The following CCDC126 variants were observed in gnomAD, a reference collection of about 807,000 sequenced individuals.
CCDC126 encodes the protein coiled-coil domain containing 126.
A neutral mutation model predicts 11.7 loss-of-function variants in CCDC126; 5 were observed. That is an observed-to-expected ratio of 0.43 (90% CI 0.22 to 0.90). CCDC126 has a LOEUF of 0.90. Among genes scored for constraint, CCDC126 ranks in the 40% least tolerant of loss-of-function variants. The pLI is 0.27. For synonymous variants in CCDC126, 60 were observed against 61.9 expected, an observed-to-expected ratio of 0.97 and a Z score of 0.14; for missense variants, 150 against 163.1, an observed-to-expected ratio of 0.92 and a Z score of 0.44.
intron 2 of CCDC126, among the ~76,000 whole-genome samples, chr7:23,599,013 C>T (rs1044400133): frequency 2.6e-5 from 4 of 151,986 alleles, no homozygotes; most frequent in Non-Finnish European, 4.4e-5. Context: ...CATTTGTGTT[C>T]TTAGTGTTTC....
At chr7:23,637,843 G>A (rs866019181) in intron 3 of CCDC126, among the ~76,000 whole-genome samples, 2 of 119,168 alleles carry the variant, frequency 1.7e-5, no homozygotes, top group South Asian at 3.2e-4. Context: ...GGAGGTGGGG[G>A]GGTCAGCCCC....
chr7:23,602,652 G>T (rs1326753074), intron 2 of CCDC126, among the ~76,000 whole-genome samples: 2 of 152,114 alleles, frequency 1.3e-5, no homozygotes, highest in Non-Finnish European at 2.9e-5. Flanking sequence ...CGAGATTCTG[G>T]TAAAAGAAGA....
chr7:23,642,258 C>A (rs898874710), intron 3 of CCDC126, among the ~76,000 whole-genome samples: 5 of 152,094 alleles, frequency 3.3e-5, no homozygotes, highest in Non-Finnish European at 5.9e-5. Context: ...GTGATCCCGC[C>A]CGCCTCAGCC....
At chr7:23,628,037 A>C (rs1470146637) in intron 3 of CCDC126, among the ~76,000 whole-genome samples, 3 of 152,172 alleles carry the variant, frequency 2.0e-5, no homozygotes, top group African/African-American at 7.2e-5. Context: ...AAAATATATA[A>C]ATTATTGTAT....
At chr7:23,621,909 G>T (rs530648696) in intron 3 of CCDC126, among the ~76,000 whole-genome samples, 14 of 152,134 alleles carry the variant, frequency 9.2e-5, no homozygotes, top group Non-Finnish European at 1.5e-4. Flanking sequence ...GTTGAACCAG[G>T]CTTGCATCCC....
At chr7:23,603,335 T>A (rs1467157894) in intron 2 of CCDC126, among the ~76,000 whole-genome samples, 2 of 152,260 alleles carry the variant, frequency 1.3e-5, no homozygotes, top group East Asian at 3.8e-4. Context: ...ATTTAGTGAA[T>A]AGTTCAAATT....
Position 23,643,050 on chromosome 7 carries a change from A to C in CCDC126, c.358A>C (p.Thr120Pro), listed in dbSNP as rs1310571551. 1 of 1,614,080 alleles carries C rather than the reference A, an allele frequency of 6.2e-7. No homozygotes were observed. The highest frequency in any genetic ancestry group is 8.5e-7 in the Non-Finnish European group (1 of 1,180,026). ...CTCAGCAGCCAACACCACCAATGGT[A>C]CTAGTGGGAATTTGGTGCCAGTAAC... The part of the protein sequence containing the change: ...NGSAANTTNG[T>P]SGNLVPVTTN... The change falls in exon 4 of 4, where the codon ACT becomes CCT. Residue 120 changes from threonine to proline, a missense_variant. Transcript: ENST00000307471.
chr7:23,623,114 C>T (rs1308728512), intron 3 of CCDC126, among the ~76,000 whole-genome samples: 1 of 150,802 alleles, frequency 6.6e-6, no homozygotes, highest in Non-Finnish European at 1.5e-5. Context: ...GCTGGGATTG[C>T]AGGCTCGCGC....
At chr7:23,622,965 ACT>A in intron 3 of CCDC126, 1 of 127,712 alleles carries the variant, frequency 7.8e-6, no homozygotes, top group Non-Finnish European at 1.5e-5. Flanking sequence ...AAATATGCTC[ACT>A]CTTTTTTTTT....
At chr7:23,642,046 C>T (rs1403915436) in intron 3 of CCDC126, among the ~76,000 whole-genome samples, 2 of 152,286 alleles carry the variant, frequency 1.3e-5, no homozygotes, top group African/African-American at 4.8e-5. Flanking sequence ...GAGTCTTGCT[C>T]TGTCGCCCAG....
chr7:23,637,149 A>T (rs1584218423), intron 3 of CCDC126, among the ~76,000 whole-genome samples: 1 of 48,058 alleles, frequency 2.1e-5, no homozygotes, highest in Admixed American at 1.9e-4. Context: ...GGCCGCCCCT[A>T]CTGGGAAGTG....
At chr7:23,620,591 C>T (rs1281545251) in intron 3 of CCDC126, among the ~76,000 whole-genome samples, 2 of 151,334 alleles carry the variant, frequency 1.3e-5, no homozygotes, top group Non-Finnish European at 3.0e-5. Flanking sequence ...AATTAGATCC[C>T]ATTTGTCAAT....
At chr7:23,609,048 A>G (rs1782663666) in intron 2 of CCDC126, among the ~76,000 whole-genome samples, 1 of 152,070 alleles carries the variant, frequency 6.6e-6, no homozygotes, top group Admixed American at 6.5e-5. Flanking sequence ...GTGTCAGCTG[A>G]TCCATCTAGT....
chr7:23,636,388 C>CTT, intron 3 of CCDC126, among the ~76,000 whole-genome samples: 1 of 150,504 alleles, frequency 6.6e-6, no homozygotes, highest in East Asian at 2.0e-4. Flanking sequence ...GCGTCTCTGC[C>CTT]CGGCCGCCAT....
At chr7:23,598,493 T>G (rs1377450412) in intron 2 of CCDC126, 1 of 152,256 alleles carries the variant, frequency 6.6e-6, no homozygotes, top group African/African-American at 2.4e-5. Context: ...TTGATGACTC[T>G]GCTTTTCTGT....
chr7:23,614,047 T>C (rs1782757982), intron 3 of CCDC126, among the ~76,000 whole-genome samples: 1 of 152,114 alleles, frequency 6.6e-6, no homozygotes, highest in South Asian at 2.1e-4. Flanking sequence ...TTACTGAAGG[T>C]TGGGGTGGCT....
chr7:23,612,072 G>C (rs541474509), intron 3 of CCDC126, among the ~76,000 whole-genome samples: 1 of 151,700 alleles, frequency 6.6e-6, no homozygotes, highest in East Asian at 1.9e-4. Context: ...TTTGAACCTG[G>C]GAGGCGGAGG....
At chr7:23,640,264 G>A (rs1010206665) in intron 3 of CCDC126, among the ~76,000 whole-genome samples, 7 of 152,022 alleles carry the variant, frequency 4.6e-5, no homozygotes, top group East Asian at 3.9e-4. Context: ...TTGGGAGGCC[G>A]AGGCAGGCAG....
At chr7:23,636,708 C>T (rs891273317) in intron 3 of CCDC126, among the ~76,000 whole-genome samples, 2 of 148,884 alleles carry the variant, frequency 1.3e-5, no homozygotes, top group Non-Finnish European at 1.5e-5. Context: ...CGCCTGGCAG[C>T]CACCCCGTCT....
Sources: gnomAD v4.1 joint callset for allele counts (sites outside exome capture counted in the v4.1 genomes callset) on GRCh38, gnomAD v4.1.1 for gene constraint, MANE v1.5 for transcripts, NCBI Gene and HGNC (gene_info 2026-07-23, HGNC 2026-07-21) for gene names.